ARHGAP10: variants seen among roughly 807,000 people sequenced by gnomAD.
ARHGAP10 encodes Rho GTPase activating protein 10.
A neutral mutation model predicts 108.6 loss-of-function variants in ARHGAP10; 87 were observed. That is an observed-to-expected ratio of 0.80 (90% CI 0.67 to 0.96). The LOEUF (loss-of-function observed/expected upper bound fraction) is 0.96. Ranked by LOEUF, ARHGAP10 falls within the 40% of genes least tolerant of loss-of-function variation. The pLI, the probability that ARHGAP10 is intolerant of heterozygous loss-of-function variation, is 0.00. For missense variants in ARHGAP10, 939 were observed against 954.5 expected, an observed-to-expected ratio of 0.98 and a Z score of 0.21; for synonymous variants, 347 against 341.1, an observed-to-expected ratio of 1.02 and a Z score of -0.19.
intron 1 of ARHGAP10, among the ~76,000 whole-genome samples, chr4:147,815,828 T>C (rs1732219716): frequency 6.6e-6 from 1 of 152,236 alleles, no homozygotes; most frequent in South Asian, 2.1e-4. Context: ...ATAGTGCCAC[T>C]GCACGCTAGT....
intron 4 of ARHGAP10, chr4:147,854,826 T>C: frequency 4.1e-6 from 4 of 985,400 alleles, no homozygotes; most frequent in Non-Finnish European, 4.8e-6. Flanking sequence ...GACGAAGATA[T>C]TTCTATTCTA....
intron 5 of ARHGAP10, among the ~76,000 whole-genome samples, chr4:147,860,371 G>A (rs535047108): frequency 1.1e-3 from 169 of 152,340 alleles, no homozygotes; most frequent in Admixed American, 1.9e-3. Context: ...GAACCCAGGA[G>A]GTGGAGCTTG....
chr4:147,751,923 G>A (rs1729169163), intron 1 of ARHGAP10, among the ~76,000 whole-genome samples: 1 of 139,580 alleles, frequency 7.2e-6, no homozygotes, highest in South Asian at 2.2e-4. Context: ...GTGTTGCTCT[G>A]CCATCAGGTT....
intron 10 of ARHGAP10, among the ~76,000 whole-genome samples, chr4:147,888,551 CA>C (rs1469602314): frequency 6.6e-6 from 1 of 151,972 alleles, no homozygotes; most frequent in Non-Finnish European, 1.5e-5. Flanking sequence ...ATTTTAAGTC[CA>C]AAATTTTCTA....
At chr4:147,942,583 G>A (rs10213616) in intron 14 of ARHGAP10, among the ~76,000 whole-genome samples, 4,212 of 151,178 alleles carry the variant, frequency 0.028, 205 homozygotes, top group African/African-American at 0.097. Flanking sequence ...CCTTCTCTCC[G>A]TCCTCCTTCT....
rs965632485 is a variant in ARHGAP10 at position 147,822,648 on chromosome 4, C to T, written c.155-79C>T. 2.1e-6 allele frequency: 3 copies of T among 1,421,222 alleles called. No homozygotes were observed. In the African/African-American group the frequency reaches 4.3e-5, roughly 20 times the overall value. 88.0% of individuals were successfully genotyped at this position (1,421,222 alleles called of 1,614,324 possible). A position where few individuals can be genotyped will look rare whatever the true frequency, so the allele number is the denominator to read the frequency against. On this transcript the variant is annotated intron_variant, in intron 1 of 22. Transcript: ENST00000336498. ...GCGGAGGAGAGCTCTACAGCTTTAC[C>T]AATTTTAGGAAGAATAAATTTCTTT... is the stretch of plus-strand genomic sequence containing the variant.
intron 18 of ARHGAP10, among the ~76,000 whole-genome samples, chr4:147,969,130 TGTA>T (rs2149616293): frequency 6.6e-6 from 1 of 152,252 alleles, no homozygotes; most frequent in East Asian, 1.9e-4. Flanking sequence ...CAAACAGAAA[TGTA>T]GTCCCTTTGG....
At chr4:147,819,578 C>T (rs1420709793) in intron 1 of ARHGAP10, among the ~76,000 whole-genome samples, 1 of 151,602 alleles carries the variant, frequency 6.6e-6, no homozygotes, top group Non-Finnish European at 1.5e-5. Context: ...GATGGAGTCT[C>T]GCTCTGTCAC....
At chr4:147,871,777 C>A (rs1734833254) in intron 7 of ARHGAP10, among the ~76,000 whole-genome samples, 1 of 152,112 alleles carries the variant, frequency 6.6e-6, no homozygotes, top group Admixed American at 6.5e-5. Flanking sequence ...GCAAAGTTTT[C>A]AATTCATAAT....
intron 20 of ARHGAP10, among the ~76,000 whole-genome samples, chr4:148,058,648 C>T (rs542933552): frequency 1.3e-4 from 20 of 152,286 alleles, no homozygotes; most frequent in Admixed American, 1.2e-3. Context: ...TTTTAATATG[C>T]GTGGAGCGTA....
intron 22 of ARHGAP10, chr4:148,065,634 C>T (rs1729831411): frequency 6.6e-6 from 1 of 152,142 alleles, no homozygotes; most frequent in Admixed American, 6.5e-5. Context: ...GTTGGCACAC[C>T]ATATGGCTGA....
At chr4:148,017,962 C>G (rs1560877098) in intron 18 of ARHGAP10, among the ~76,000 whole-genome samples, 1 of 151,974 alleles carries the variant, frequency 6.6e-6, no homozygotes, top group African/African-American at 2.4e-5. Flanking sequence ...GCATAAACAT[C>G]CATTGTGTTG....
At chr4:148,068,037 G>A (rs1465277198) in intron 22 of ARHGAP10, among the ~76,000 whole-genome samples, 2 of 151,826 alleles carry the variant, frequency 1.3e-5, no homozygotes, top group Admixed American at 6.6e-5. Flanking sequence ...GGGCAGTGAC[G>A]TTCCTGTGAT....
chr4:147,996,727 C>A (rs1000101953), intron 18 of ARHGAP10, among the ~76,000 whole-genome samples: 1 of 152,182 alleles, frequency 6.6e-6, no homozygotes, highest in African/African-American at 2.4e-5. Context: ...CTAACTTTAA[C>A]CATTGTAACT....
At chr4:147,900,179 T>A (rs1179501909) in intron 10 of ARHGAP10, among the ~76,000 whole-genome samples, 1 of 152,234 alleles carries the variant, frequency 6.6e-6, no homozygotes, top group African/African-American at 2.4e-5. Flanking sequence ...GAGTGAAATG[T>A]AGAATACAGA....
In ARHGAP10 at chr4:147,910,348, C is replaced by CAA. The variant is rs34833952; in HGVS notation, c.1162+583_1162+584dup. ...TATGGGCTTTTTTGTGAGTCTTTCTCAAAAAAAAAAAAATTGTACAAAATA... is the reference window on the plus strand; with the variant it reads ...TATGGGCTTTTTTGTGAGTCTTTCTCAAAAAAAAAAAAAAATTGTACAAAATA... On this transcript the variant is annotated intron_variant, in intron 12 of 22. Coordinates refer to ENST00000336498, the MANE Select transcript of ARHGAP10 (RefSeq NM_024605.4). Among the ~76,000 whole-genome samples, 101 of 142,176 alleles carry CAA rather than the reference C, an allele frequency of 7.1e-4. 2 individuals carry two copies. In the South Asian group the frequency reaches 7.7e-3, roughly 11 times the overall value. 93.3% of individuals were successfully genotyped at this position (142,176 alleles called of 152,430 possible). A position where few individuals can be genotyped will look rare whatever the true frequency, so the allele number is the denominator to read the frequency against.
chr4:147,766,937 C>A (rs1013176227), intron 1 of ARHGAP10, among the ~76,000 whole-genome samples: 1 of 151,166 alleles, frequency 6.6e-6, no homozygotes, highest in Non-Finnish European at 1.5e-5. Context: ...CATCCTCCGC[C>A]TCCCAGATTC....
chr4:147,965,359 A>G (rs1739166493), intron 17 of ARHGAP10, among the ~76,000 whole-genome samples: 2 of 152,218 alleles, frequency 1.3e-5, no homozygotes, highest in African/African-American at 4.8e-5. Context: ...GAAGTGAAAG[A>G]AGAGAATATT....
intron 20 of ARHGAP10, among the ~76,000 whole-genome samples, chr4:148,048,305 T>C (rs71616576): frequency 0.059 from 8,930 of 152,268 alleles, 345 homozygotes; most frequent in South Asian, 0.18. Flanking sequence ...TGTGAACTTA[T>C]TAAGTATTAA....
Sources: gnomAD v4.1 joint callset for allele counts (sites outside exome capture counted in the v4.1 genomes callset) on GRCh38, gnomAD v4.1.1 for gene constraint, MANE v1.5 for transcripts, NCBI Gene and HGNC (gene_info 2026-07-23, HGNC 2026-07-21) for gene names.